Variants in WDR59 observed in about 807,000 individuals in gnomAD.
The protein encoded by WDR59 is GATOR2 complex protein WDR59.
A neutral mutation model predicts 131.2 loss-of-function variants in WDR59; 100 were observed. The observed-to-expected ratio is 0.76, with a 90% CI of 0.65 to 0.90. The LOEUF is 0.90. WDR59 is among the 40% of genes least tolerant of loss of function. WDR59 has a pLI of 0.00. For missense variants in WDR59, 1,203 were observed against 1,262.2 expected (o/e 0.95, Z 0.71); for synonymous variants, 601 against 466.2 (o/e 1.29, Z -3.72).
At chr16:74,961,751 C>T (rs1278306783) in intron 2 of WDR59, among the ~76,000 whole-genome samples, 1 of 152,166 alleles carries the variant, frequency 6.6e-6, no homozygotes, top group Non-Finnish European at 1.5e-5. Context: ...TCTGTTCACT[C>T]TGATGATAGT....
rs192797847 is a variant in WDR59 at position 74,969,434 on chromosome 16, G to C, written c.55-3612C>G. Among the ~76,000 whole-genome samples the C allele has an allele frequency of 3.9e-5, 6 of 151,914 alleles. No individual in the cohort carries two copies. The East Asian group carries it at 9.7e-4, about 25-fold the overall frequency. ...ATTACAGGTGCATGCCACTACGCTC[G>C]GCTAATTTTTTTATTTTTAGTAGAG... On this transcript the variant is annotated intron_variant, in intron 1 of 25. Coordinates refer to ENST00000262144, the MANE Select transcript of WDR59 (RefSeq NM_030581.4).
At position 74,871,873 on chromosome 16, in the gene WDR59, C is replaced by G. The variant is rs1267016357; in HGVS notation, c.*2336G>C. 3 of 152,374 alleles carry G rather than the reference C, an allele frequency of 2.0e-5. No homozygotes were observed. Among genetic ancestry groups the G allele is most frequent in the African/African-American group, 4.8e-5 (2 of 41,584 alleles). 9.4% of individuals were successfully genotyped at this position (152,374 alleles called of 1,614,324 possible). ...GCTCACGCTACTGAGACACTGGCAC[C>G]TTACCTCAGACCAGAGCCCAGCACT... On this transcript the variant is annotated 3_prime_UTR_variant, in exon 26 of 26. Transcript: ENST00000262144.
intron 13 of WDR59, among the ~76,000 whole-genome samples, chr16:74,913,937 T>C (rs1203702457): frequency 6.6e-6 from 1 of 152,220 alleles, no homozygotes; most frequent in Non-Finnish European, 1.5e-5. Flanking sequence ...CTGGGCACAG[T>C]GGCTCACGCC....
At chr16:74,974,629 G>A (rs1333629072) in intron 1 of WDR59, among the ~76,000 whole-genome samples, 3 of 152,138 alleles carry the variant, frequency 2.0e-5, no homozygotes, top group African/African-American at 7.2e-5. Context: ...TAGTAAGAGA[G>A]CCTCCCTGTG....
At chr16:74,884,726 C>G (rs1181410013) in intron 25 of WDR59, among the ~76,000 whole-genome samples, 1 of 152,192 alleles carries the variant, frequency 6.6e-6, no homozygotes, top group Non-Finnish European at 1.5e-5. Context: ...TTTGATATCA[C>G]TCTTCTCCCC....
chr16:74,919,541 T>C lies in WDR59; in HGVS notation c.887-1533A>G, dbSNP rs180813419. Among the ~76,000 whole-genome samples the C allele has an allele frequency of 7.8e-3, 1,182 of 151,580 alleles. 12 individuals are homozygous for C. Among genetic ancestry groups the C allele is most frequent in the South Asian group, 0.011 (53 of 4,788 alleles). On this transcript the variant is annotated intron_variant, in intron 10 of 25. Coordinates refer to ENST00000262144, the MANE Select transcript of WDR59 (RefSeq NM_030581.4). ...ATATTTTGGTAGAGATGGGGTTTCATCATGTTGGCCAGGCTGGTCTCAAAC... is the reference window on the plus strand; with the variant it reads ...ATATTTTGGTAGAGATGGGGTTTCACCATGTTGGCCAGGCTGGTCTCAAAC...
At chr16:74,936,733 G>A (rs2031830180) in intron 8 of WDR59, among the ~76,000 whole-genome samples, 1 of 152,088 alleles carries the variant, frequency 6.6e-6, no homozygotes, top group African/African-American at 2.4e-5. Context: ...GGCTGAGGCA[G>A]GAGAATCGCT....
In WDR59 at chr16:74,891,062, C is replaced by T. The variant is rs1489620309; in HGVS notation, c.2083-1247G>A. Reference sequence around the variant, plus strand: ...CTGGGAGGCAGAGGTTGCAGTGAGCCGAGATCACGCCCTGCACTCCAGCCT... The same window carrying T: ...CTGGGAGGCAGAGGTTGCAGTGAGCTGAGATCACGCCCTGCACTCCAGCCT... On this transcript the variant is annotated intron_variant, in intron 20 of 25. Coordinates refer to ENST00000262144, the MANE Select transcript of WDR59 (RefSeq NM_030581.4). 4.7e-5 allele frequency among the ~76,000 whole-genome samples: 7 copies of T among 147,696 alleles called. No homozygotes were observed. The East Asian group carries it at 8.0e-4, about 17-fold the overall frequency.
chr16:74,888,069 G>C, intron 22 of WDR59, 100 bp downstream of exon 22: 2 of 1,391,480 alleles, frequency 1.4e-6, no homozygotes, highest in Non-Finnish European at 1.9e-6. Context: ...AGTGAGCTGA[G>C]ATCATGCCAT....
chr16:74,880,470 TA>T (rs1964426981), intron 25 of WDR59, among the ~76,000 whole-genome samples: 1 of 151,756 alleles, frequency 6.6e-6, no homozygotes, highest in Admixed American at 6.6e-5. Flanking sequence ...ATTAATTAAT[TA>T]AAAAAATAAG....
At position 74,981,208 on chromosome 16, in the gene WDR59, A is replaced by T. The variant is rs557994629; in HGVS notation, c.54+3756T>A. ...GTGAAACCCTGTCTCTACTAAAAAA[A>T]ATATATATATACAAAAAATTAGCCA... On this transcript the variant is annotated intron_variant, in intron 1 of 25. Coordinates refer to ENST00000262144, the MANE Select transcript of WDR59 (RefSeq NM_030581.4). Among the ~76,000 whole-genome samples, 218 of 151,414 alleles carry T rather than the reference A, an allele frequency of 1.4e-3. 1 individual carries two copies. The highest frequency in any genetic ancestry group is 1.8e-3 in the Non-Finnish European group (119 of 67,850).
chr16:74,882,098 C>T (rs139630936), intron 25 of WDR59, among the ~76,000 whole-genome samples: 1 of 152,212 alleles, frequency 6.6e-6, no homozygotes, highest in Non-Finnish European at 1.5e-5. Flanking sequence ...CACCAAACCA[C>T]ACTTTGTATT....
intron 1 of WDR59, among the ~76,000 whole-genome samples, chr16:74,980,916 G>C (rs2034377552): frequency 6.6e-6 from 1 of 151,760 alleles, no homozygotes; most frequent in Non-Finnish European, 1.5e-5. Flanking sequence ...AGCGAGCTGA[G>C]ATTGCGCCAC....
At chr16:74,899,559 A>G in intron 18 of WDR59, 2 of 601,518 alleles carry the variant, frequency 3.3e-6, no homozygotes, top group East Asian at 1.4e-4. Flanking sequence ...CCCCCAAGCA[A>G]AAAATTGACT....
In WDR59 at chr16:74,907,040, T is replaced by C. The variant is rs13332176; in HGVS notation, c.1712+1868A>G. Among the ~76,000 whole-genome samples, 393 of 152,300 alleles carry C rather than the reference T, an allele frequency of 2.6e-3. 1 individual carries two copies. The highest frequency in any genetic ancestry group is 8.9e-3 in the African/African-American group (368 of 41,560). On this transcript the variant is annotated intron_variant, in intron 17 of 25. Transcript: ENST00000262144. ...CAGATACAGTTATTCCTTCTTTCCC[T>C]TTGAGAATACAGGACTGTTTTCTAC... is the stretch of plus-strand genomic sequence containing the variant.
At chr16:74,906,313 C>CAGAAAAAAAAAAA (rs1555554986) in intron 17 of WDR59, among the ~76,000 whole-genome samples, 2 of 32,460 alleles carry the variant, frequency 6.2e-5, no homozygotes, top group Non-Finnish European at 1.1e-4. Context: ...GACTCCGTCT[C>CAGAAAAAAAAAAA]AAAAAAAAAA....
intron 1 of WDR59, among the ~76,000 whole-genome samples, chr16:74,981,266 C>T (rs954044274): frequency 4.6e-5 from 7 of 151,234 alleles, no homozygotes; most frequent in African/African-American, 1.7e-4. Flanking sequence ...GTCCCAGCTA[C>T]TTGGGAGGTT....
intron 9 of WDR59, 117 bp downstream of exon 9, chr16:74,923,809 C>A (rs1328710469): frequency 3.3e-5 from 31 of 943,110 alleles, no homozygotes; most frequent in Non-Finnish European, 4.8e-5. Flanking sequence ...ACCACTAAAC[C>A]AACAGAGAAA....
chr16:74,960,004 A>AT (rs1004402833), intron 2 of WDR59, among the ~76,000 whole-genome samples: 79 of 151,068 alleles, frequency 5.2e-4, no homozygotes, highest in African/African-American at 1.6e-3. Context: ...AATAGTTGAA[A>AT]TTTTTTTTTT....
Sources: gnomAD v4.1 joint callset for allele counts (sites outside exome capture counted in the v4.1 genomes callset) on GRCh38, gnomAD v4.1.1 for gene constraint, MANE v1.5 for transcripts, NCBI Gene and HGNC (gene_info 2026-07-23, HGNC 2026-07-21) for gene names.